KALRN: variants seen among roughly 807,000 people sequenced by gnomAD.
KALRN encodes kalirin.
A neutral mutation model predicts 353.7 loss-of-function variants in KALRN; 70 were observed. The ratio of observed to expected loss-of-function variants is 0.20; its 90% CI spans 0.16 to 0.24. The LOEUF (loss-of-function observed/expected upper bound fraction) is 0.24, where lower values mean the gene tolerates loss of function less well. Ranked by LOEUF, KALRN falls within the 10% of genes least tolerant of loss-of-function variation. The pLI, the probability that KALRN is intolerant of heterozygous loss-of-function variation, is 1.00. For synonymous variants in KALRN, 1,391 were observed against 1,434.8 expected, an observed-to-expected ratio of 0.97 and a Z score of 0.69; for missense variants, 2,791 against 3,756.7, an observed-to-expected ratio of 0.74 and a Z score of 6.72.
intron 15 of KALRN, 125 bp downstream of exon 15, chr3:124,423,103 G>T: frequency 1.3e-6 from 1 of 794,748 alleles, no homozygotes; most frequent in South Asian, 2.0e-5. Flanking sequence ...CCAGCACTTC[G>T]AAAATAGGTA....
chr3:124,673,272 G>A (rs1182372741), intron 48 of KALRN, among the ~76,000 whole-genome samples: 1 of 151,748 alleles, frequency 6.6e-6, no homozygotes, highest in Non-Finnish European at 1.5e-5. Context: ...GCATGCACCT[G>A]TTGTCCCAGA....
At chr3:124,493,072 A>G (rs1233181944) in intron 32 of KALRN, among the ~76,000 whole-genome samples, 190 bp downstream of exon 32, 1 of 152,240 alleles carries the variant, frequency 6.6e-6, no homozygotes, top group African/African-American at 2.4e-5. Context: ...GCAGGGCTTC[A>G]TTGAGCACCT....
chr3:124,177,411 T>C (rs925881694), intron 1 of KALRN, among the ~76,000 whole-genome samples: 1 of 152,204 alleles, frequency 6.6e-6, no homozygotes, highest in African/African-American at 2.4e-5. Flanking sequence ...GTCTTTTCAG[T>C]TGTTTTTTAC....
chr3:124,330,246 TCACACACACACA>T lies in KALRN; in HGVS notation c.1416+284_1416+295del, dbSNP rs774251256. Among the ~76,000 whole-genome samples the T allele has an allele frequency of 9.7e-3, 1,306 of 134,384 alleles. 27 individuals are homozygous for T. The highest frequency in any genetic ancestry group is 0.034 in the African/African-American group (1,244 of 36,400). 88.2% of individuals were successfully genotyped at this position (134,384 alleles called of 152,430 possible). On this transcript the variant is annotated intron_variant, in intron 8 of 59. Coordinates refer to ENST00000682506, the MANE Select transcript of KALRN (RefSeq NM_001388419.1). Reference sequence around the variant, plus strand: ...CGCATTCATTCTCTCTCTCTCTCTCTCACACACACACACACACACACACACACACACACACAC... The same window carrying T: ...CGCATTCATTCTCTCTCTCTCTCTCTCACACACACACACACACACACACAC...
chr3:124,393,505 G>A (rs2089764276), intron 11 of KALRN, among the ~76,000 whole-genome samples: 1 of 152,136 alleles, frequency 6.6e-6, no homozygotes, highest in South Asian at 2.1e-4. Flanking sequence ...AAACTTGTTT[G>A]GTGTTTTATT....
chr3:124,267,998 A>G (rs989523618), intron 4 of KALRN, among the ~76,000 whole-genome samples: 1 of 152,220 alleles, frequency 6.6e-6, no homozygotes, highest in African/African-American at 2.4e-5. Context: ...AAACACAGAT[A>G]TTAATTTGCT....
intron 34 of KALRN, among the ~76,000 whole-genome samples, chr3:124,624,213 G>A (rs775331608): frequency 5.9e-5 from 9 of 152,200 alleles, no homozygotes; most frequent in Non-Finnish European, 1.2e-4. Flanking sequence ...CTTAGTAGCT[G>A]CCTCAGTTAT....
At chr3:124,108,692 A>G (rs932680075) in intron 1 of KALRN, among the ~76,000 whole-genome samples, 11 of 151,788 alleles carry the variant, frequency 7.2e-5, no homozygotes, top group African/African-American at 1.9e-4. Flanking sequence ...GTGAGTGACT[A>G]TGATGATCAC....
intron 1 of KALRN, among the ~76,000 whole-genome samples, chr3:124,129,594 G>A (rs1375990896): frequency 4.6e-5 from 7 of 152,216 alleles, no homozygotes; most frequent in African/African-American, 2.4e-5. Flanking sequence ...AGAGGCAAGG[G>A]AGAAGGAAGT....
At chr3:124,121,753 AATT>A (rs1356802535) in intron 1 of KALRN, among the ~76,000 whole-genome samples, 1 of 152,220 alleles carries the variant, frequency 6.6e-6, no homozygotes, top group Non-Finnish European at 1.5e-5. Flanking sequence ...TAAGGCCATT[AATT>A]ATTGAATTTG....
intron 23 of KALRN, among the ~76,000 whole-genome samples, chr3:124,459,745 G>GA (rs1397599083): frequency 6.6e-6 from 1 of 152,014 alleles, no homozygotes; most frequent in Non-Finnish European, 1.5e-5. Context: ...TGAATTACTA[G>GA]AAAAAAATAG....
At chr3:124,698,016 C>A (rs985232929) in intron 55 of KALRN, among the ~76,000 whole-genome samples, 2 of 152,084 alleles carry the variant, frequency 1.3e-5, no homozygotes, top group African/African-American at 2.4e-5. Context: ...TCAACCCAGG[C>A]TGGAGTGCAG....
chr3:124,718,059 G>T (rs192370196), intron 59 of KALRN, among the ~76,000 whole-genome samples: 2 of 151,116 alleles, frequency 1.3e-5, no homozygotes, highest in African/African-American at 4.9e-5. Flanking sequence ...TGATCTGCCC[G>T]CCTTGGCCTC....
In KALRN at chr3:124,724,273, T is replaced by C. The variant is rs776777875; in HGVS notation, c.*4803T>C. ...AATTATTTTGTACGTAAGAGGTCTT[T>C]GTAGTAGGGCAAAGTTCAAACTCAC... On this transcript the variant is annotated 3_prime_UTR_variant, in exon 60 of 60. Coordinates refer to ENST00000682506, the MANE Select transcript of KALRN (RefSeq NM_001388419.1). 1 of 152,188 alleles carries C rather than the reference T, an allele frequency of 6.6e-6. No homozygotes were observed. The highest frequency in any genetic ancestry group is 1.9e-4 in the East Asian group (1 of 5,194). The allele number at this position is 152,188 out of a possible 1,614,324, so 9.4% of individuals were successfully genotyped here.
intron 13 of KALRN, among the ~76,000 whole-genome samples, chr3:124,412,494 T>C (rs1010169831): frequency 4.6e-5 from 7 of 152,204 alleles, no homozygotes; most frequent in Non-Finnish European, 1.0e-4. Context: ...TTAAAAACTT[T>C]TAATTTTGAT....
intron 33 of KALRN, among the ~76,000 whole-genome samples, chr3:124,538,852 T>C (rs1311250305): frequency 6.6e-6 from 1 of 152,226 alleles, no homozygotes; most frequent in African/African-American, 2.4e-5. Flanking sequence ...TGCTTTTCGA[T>C]CTTTTTTTGA....
chr3:124,121,891 G>A (rs1278599095), intron 1 of KALRN, among the ~76,000 whole-genome samples: 1 of 152,200 alleles, frequency 6.6e-6, no homozygotes, highest in Non-Finnish European at 1.5e-5. Flanking sequence ...CAGAAAAAAG[G>A]ACAGGATACT....
chr3:124,344,260 T>C (rs982558994), intron 9 of KALRN, among the ~76,000 whole-genome samples: 4 of 152,246 alleles, frequency 2.6e-5, no homozygotes, highest in African/African-American at 7.2e-5. Context: ...CTTAATGGAA[T>C]GCACTAGAAA....
At chr3:124,364,514 G>A (rs776935577) in intron 10 of KALRN, among the ~76,000 whole-genome samples, 3 of 152,198 alleles carry the variant, frequency 2.0e-5, no homozygotes, top group Non-Finnish European at 4.4e-5. Context: ...GAAAGGAAGT[G>A]GGAAGAACAT....
Sources: gnomAD v4.1 joint callset for allele counts (sites outside exome capture counted in the v4.1 genomes callset) on GRCh38, gnomAD v4.1.1 for gene constraint, MANE v1.5 for transcripts, NCBI Gene and HGNC (gene_info 2026-07-23, HGNC 2026-07-21) for gene names.